The following WHRN variants were observed in gnomAD, a reference collection of about 807,000 sequenced individuals.
The protein encoded by WHRN is CASK-interacting protein CIP98.
A neutral mutation model predicts 68.3 loss-of-function variants in WHRN; 41 were observed. That is an observed-to-expected ratio of 0.60 (90% CI 0.47 to 0.78). The LOEUF is 0.78. Among genes scored for constraint, WHRN ranks in the 30% least tolerant of loss-of-function variants. WHRN has a pLI of 0.00. For missense variants in WHRN, 1,243 were observed against 1,244.7 expected (o/e 1.00, Z 0.02); for synonymous variants, 560 against 561.3 (o/e 1.00, Z 0.03).
chr9:114,422,265 TC>T (rs985439901), intron 7 of WHRN, among the ~76,000 whole-genome samples: 2 of 152,132 alleles, frequency 1.3e-5, no homozygotes, highest in African/African-American at 4.8e-5. Context: ...CCACTGCCTT[TC>T]CATAGAAGAG....
At chr9:114,455,532 A>C (rs1839707460) in intron 3 of WHRN, among the ~76,000 whole-genome samples, 1 of 151,992 alleles carries the variant, frequency 6.6e-6, no homozygotes, top group Non-Finnish European at 1.5e-5. Context: ...GCAACATGAC[A>C]AAACTCTTTC....
chr9:114,450,194 G>C (rs976607700), intron 3 of WHRN, among the ~76,000 whole-genome samples: 11 of 152,286 alleles, frequency 7.2e-5, no homozygotes, highest in African/African-American at 2.4e-4. Context: ...GCAAGGACAA[G>C]GAAATTGTCA....
In WHRN at chr9:114,406,816, T is replaced by C. The variant is rs1835070619; in HGVS notation, c.1775A>G (p.Asn592Ser). ...CCTTGGCTGGCCTAGTGGGAGGTCG[T>C]TGCCTTGGGCCAGAGGTGGTGGGCG... is the stretch of plus-strand genomic sequence containing the variant. ...LPRPPPLAQG[N>S]DLPLGQPRKL... The change falls in exon 9 of 12, where the codon AAC becomes AGC. Residue 592 changes from asparagine to serine, a missense_variant. Physicochemically the swap from Asn to Ser is conservative, Grantham distance 46 (BLOSUM62 1). Coordinates refer to ENST00000362057, the MANE Select transcript of WHRN (RefSeq NM_015404.4). The C allele has an allele frequency of 6.2e-7, 1 of 1,611,412 alleles. No individual in the cohort carries two copies. The highest frequency in any genetic ancestry group is 1.1e-5 in the South Asian group (1 of 90,718).
At chr9:114,449,730 A>G (rs781703311) in intron 3 of WHRN, among the ~76,000 whole-genome samples, 61 of 152,128 alleles carry the variant, frequency 4.0e-4, no homozygotes, top group Non-Finnish European at 7.4e-4. Context: ...TCCTTGGGAA[A>G]GACGTTCATC....
chr9:114,482,357 G>C (rs947293668), intron 1 of WHRN, among the ~76,000 whole-genome samples: 1 of 152,210 alleles, frequency 6.6e-6, no homozygotes, highest in African/African-American at 2.4e-5. Flanking sequence ...AGGAACAGAG[G>C]AGTGCAAGTG....
At chr9:114,466,240 T>G (rs1840678715) in intron 3 of WHRN, 27 bp downstream of exon 3, 2 of 1,613,096 alleles carry the variant, frequency 1.2e-6, no homozygotes, top group Non-Finnish European at 1.7e-6. Flanking sequence ...ATGCACAGAG[T>G]TTTCCCTCCC....
At chr9:114,496,409 CTCTG>C (rs1459462161) in intron 1 of WHRN, among the ~76,000 whole-genome samples, 3 of 152,190 alleles carry the variant, frequency 2.0e-5, no homozygotes, top group East Asian at 3.8e-4. Context: ...TTTAAAGAAA[CTCTG>C]TCTATGTGGG....
intron 7 of WHRN, among the ~76,000 whole-genome samples, chr9:114,421,464 C>A (rs1222279818): frequency 6.6e-6 from 1 of 152,252 alleles, no homozygotes; most frequent in Non-Finnish European, 1.5e-5. Context: ...GCCATTTTAT[C>A]CAGAAACTGA....
chr9:114,471,693 G>T lies in WHRN; in HGVS notation c.838-5301C>A, dbSNP rs1378124030. Among the ~76,000 whole-genome samples, 4 of 152,198 alleles carry T rather than the reference G, an allele frequency of 2.6e-5. No individual in the cohort carries two copies. The East Asian group carries it at 7.7e-4, about 29-fold the overall frequency. ...GGCAGCCGGAGCAGCTCCAGGAGAT[G>T]ACACCAGCCTAGGTTATCCATTCCC... is the stretch of plus-strand genomic sequence containing the variant. On this transcript the variant is annotated intron_variant, in intron 2 of 11. Transcript: ENST00000362057.
intron 3 of WHRN, among the ~76,000 whole-genome samples, chr9:114,443,670 G>A (rs1231324448): frequency 6.6e-6 from 1 of 152,106 alleles, no homozygotes; most frequent in African/African-American, 2.4e-5. Flanking sequence ...CTGAGGATTC[G>A]GATGTAGACA....
At chr9:114,488,622 C>T (rs1164757388) in intron 1 of WHRN, among the ~76,000 whole-genome samples, 1 of 152,260 alleles carries the variant, frequency 6.6e-6, no homozygotes, top group East Asian at 1.9e-4. Context: ...TCTTGAACCC[C>T]GAGCAGGTGC....
At chr9:114,485,512 G>A (rs1386492139) in intron 1 of WHRN, among the ~76,000 whole-genome samples, 2 of 151,808 alleles carry the variant, frequency 1.3e-5, no homozygotes, top group Non-Finnish European at 2.9e-5. Flanking sequence ...CCAACATGGT[G>A]AAACCACGTC....
intron 3 of WHRN, among the ~76,000 whole-genome samples, chr9:114,456,234 C>T (rs1038251908): frequency 1.1e-4 from 16 of 151,590 alleles, no homozygotes; most frequent in African/African-American, 1.5e-4. Context: ...TTGTCAAATT[C>T]GTAGAACTGT....
At position 114,423,374 on chromosome 9, in the gene WHRN, G is replaced by A; in HGVS notation, c.1566C>T (p.Tyr522=). The change falls in exon 7 of 12, where the codon TAC becomes TAT. Residue 522 remains tyrosine, a synonymous_variant. Transcript: ENST00000362057. ...GAGDTYSMVS[Y]SDTGSSTGSH... is the part of the protein sequence containing the mutation. The stretch of plus-strand genomic sequence containing the variant: ...TGCCTGTGGATGAACCCGTGTCACT[G>A]TAGGAGACCATGGAGTAGGTGTCCC... 1.2e-6 allele frequency: 2 copies of A among 1,614,086 alleles called. No individual in the cohort carries two copies. Among genetic ancestry groups the A allele is most frequent in the Non-Finnish European group, 1.7e-6 (2 of 1,179,980 alleles).
intron 1 of WHRN, among the ~76,000 whole-genome samples, chr9:114,485,366 C>G (rs1842396575): frequency 6.6e-6 from 1 of 152,212 alleles, no homozygotes; most frequent in African/African-American, 2.4e-5. Context: ...AGCCAATTGC[C>G]TAAACTCTCT....
chr9:114,477,895 G>C (rs1176603253), intron 2 of WHRN, among the ~76,000 whole-genome samples: 1 of 152,190 alleles, frequency 6.6e-6, no homozygotes, highest in East Asian at 1.9e-4. Context: ...GTCTAGGCCA[G>C]TGGGAAGTTT....
At chr9:114,446,969 C>T (rs1175686938) in intron 3 of WHRN, among the ~76,000 whole-genome samples, 1 of 151,978 alleles carries the variant, frequency 6.6e-6, no homozygotes, top group East Asian at 1.9e-4. Flanking sequence ...CGTCCCTGAC[C>T]CCCATGCTTC....
At position 114,478,666 on chromosome 9, in the gene WHRN, G is replaced by A. The variant is rs372265292; in HGVS notation, c.724C>T (p.Arg242Cys). 1.5e-5 allele frequency: 25 copies of A among 1,613,188 alleles called. No homozygotes were observed. Among genetic ancestry groups the A allele is most frequent in the Middle Eastern group, 1.6e-4 (1 of 6,084 alleles). The change falls in exon 2 of 12, where the codon CGC becomes TGC. Residue 242 changes from arginine (R) to cysteine (C), a missense_variant. Transcript: ENST00000362057. ...HIYTWVDPQG[R>C]SISPPSGLPQ... ...AGGCCCGAGGGTGGGGAGATGCTGC[G>A]GCCCTGCGGGTCCACCCAGGTGTAG... is the stretch of plus-strand genomic sequence containing the variant.
chr9:114,417,526 C>G (rs1480031744), intron 7 of WHRN, among the ~76,000 whole-genome samples: 1 of 152,214 alleles, frequency 6.6e-6, no homozygotes, highest in Non-Finnish European at 1.5e-5. Flanking sequence ...CCAGCTCTCG[C>G]TGTTTATTGG....
Sources: gnomAD v4.1 joint callset for allele counts (sites outside exome capture counted in the v4.1 genomes callset) on GRCh38, gnomAD v4.1.1 for gene constraint, MANE v1.5 for transcripts, NCBI Gene and HGNC (gene_info 2026-07-23, HGNC 2026-07-21) for gene names.